ADGRV1: variants seen among roughly 807,000 people sequenced by gnomAD.
The protein encoded by ADGRV1 is adhesion G protein-coupled receptor V1, also known as G-protein coupled receptor 98.
Under a neutral mutation model 596.2 loss-of-function variants are expected in ADGRV1, and 359 were observed. The observed-to-expected ratio is 0.60, with a 90% CI of 0.55 to 0.66. The LOEUF (loss-of-function observed/expected upper bound fraction) is 0.66, where lower values mean the gene tolerates loss of function less well. ADGRV1 is among the 30% of genes least tolerant of loss of function. The pLI is 0.00. For missense variants in ADGRV1, 7,274 were observed against 7,575.6 expected, an observed-to-expected ratio of 0.96 and a Z score of 1.48; for synonymous variants, 2,681 against 2,679.2, an observed-to-expected ratio of 1.00 and a Z score of -0.02.
intron 70 of ADGRV1, 135 bp from the exon 71 acceptor site, chr5:90,802,604 A>T: frequency 1.4e-6 from 1 of 692,638 alleles, no homozygotes; most frequent in South Asian, 2.0e-5. Context: ...TTGTTTTGTG[A>T]TGGGGAAAAG....
intron 58 of ADGRV1, among the ~76,000 whole-genome samples, chr5:90,760,910 A>G (rs2150004324): frequency 6.6e-6 from 1 of 152,368 alleles, no homozygotes; most frequent in Non-Finnish European, 1.5e-5. Context: ...TTATTACATG[A>G]TAACTATGAC....
At chr5:90,957,582 G>GTA (rs1447212465) in intron 83 of ADGRV1, among the ~76,000 whole-genome samples, 1 of 145,676 alleles carries the variant, frequency 6.9e-6, no homozygotes, top group Non-Finnish European at 1.5e-5. Flanking sequence ...ATTACATATA[G>GTA]TATATATATA....
chr5:90,649,030 A>C (rs1768210762), intron 17 of ADGRV1, among the ~76,000 whole-genome samples: 1 of 152,162 alleles, frequency 6.6e-6, no homozygotes, highest in Non-Finnish European at 1.5e-5. Flanking sequence ...TTTTTTACGG[A>C]GTCTCACTCT....
chr5:90,748,801 G>A (rs548140995), intron 52 of ADGRV1, among the ~76,000 whole-genome samples: 1 of 142,960 alleles, frequency 7.0e-6, no homozygotes, highest in Non-Finnish European at 1.5e-5. Context: ...TGCCTAGTTT[G>A]TCTATCATCA....
At chr5:90,892,229 A>G (rs1005999867) in intron 83 of ADGRV1, among the ~76,000 whole-genome samples, 2 of 152,068 alleles carry the variant, frequency 1.3e-5, no homozygotes, top group African/African-American at 4.8e-5. Flanking sequence ...CATGTTTCAT[A>G]TAATAAACTT....
intron 85 of ADGRV1, among the ~76,000 whole-genome samples, chr5:91,022,308 T>G (rs911278759): frequency 1.3e-5 from 2 of 151,984 alleles, no homozygotes; most frequent in Non-Finnish European, 2.9e-5. Flanking sequence ...AACCTAGTAT[T>G]TGTGCTAAAT....
chr5:90,712,603 T>G (rs1749513029), intron 42 of ADGRV1, among the ~76,000 whole-genome samples, 175 bp downstream of exon 42: 1 of 152,120 alleles, frequency 6.6e-6, no homozygotes, highest in South Asian at 2.1e-4. Context: ...CTCTCACGTG[T>G]GTATGTTGGT....
chr5:90,767,695 T>G (rs1757293402), intron 59 of ADGRV1, among the ~76,000 whole-genome samples: 1 of 151,538 alleles, frequency 6.6e-6, no homozygotes, highest in Admixed American at 6.6e-5. Flanking sequence ...TTTTTCAGTC[T>G]AATGACTCTT....
intron 85 of ADGRV1, among the ~76,000 whole-genome samples, chr5:91,044,952 T>C (rs1384910346): frequency 6.6e-6 from 1 of 152,144 alleles, no homozygotes; most frequent in Non-Finnish European, 1.5e-5. Context: ...AGGAAGATTA[T>C]TGTGGGTGGT....
chr5:90,653,460 T>C lies in ADGRV1; in HGVS notation c.3886T>C (p.Leu1296=). The part of the protein sequence containing the change: ...EILSSEFPAG[L]PPMIDFLLVG... The stretch of plus-strand genomic sequence containing the variant: ...ACTGTCCAGTGAGTTCCCTGCTGGT[T>C]TGCCACCAATGATAGATTTTTTACT... Residue 1296 remains leucine, a synonymous_variant, in exon 20 of 90, where the codon TTG becomes CTG. Coordinates refer to ENST00000405460, the MANE Select transcript of ADGRV1 (RefSeq NM_032119.4). 6.2e-7 allele frequency: 1 copy of C among 1,613,944 alleles called. No individual in the cohort carries two copies. The highest frequency in any genetic ancestry group is 2.2e-5 in the East Asian group (1 of 44,870).
rs116907327 is a variant in ADGRV1, at chr5:90,623,407, T to C, written c.558+706T>C. 3.0e-4 allele frequency among the ~76,000 whole-genome samples: 46 copies of C among 152,174 alleles called. 1 individual carries two copies. In the East Asian group the frequency reaches 8.5e-3, roughly 28 times the overall value. On this transcript the variant is annotated intron_variant, in intron 5 of 89. Coordinates refer to ENST00000405460, the MANE Select transcript of ADGRV1 (RefSeq NM_032119.4). Reference sequence around the variant, plus strand: ...TTATTTAATATGTTGTCTTTCTCTATTTTATTTTATTTTATTTTTTTTGAG... The same window carrying C: ...TTATTTAATATGTTGTCTTTCTCTACTTTATTTTATTTTATTTTTTTTGAG...
chr5:90,580,487 C>T (rs6889466), intron 1 of ADGRV1, among the ~76,000 whole-genome samples: 13,580 of 150,992 alleles, frequency 0.09, 1,906 homozygotes, highest in African/African-American at 0.31. Flanking sequence ...GAAGGCTTTG[C>T]TCGTTTTATT....
In ADGRV1 at chr5:90,653,643, T is replaced by G; in HGVS notation, c.4069T>G (p.Phe1357Val). Reference sequence around the variant, plus strand: ...GAATAATACAATTGCCAACTTTACATTCTCAGCTTGGGTAATGCCCAATGC... The same window carrying G: ...GAATAATACAATTGCCAACTTTACAGTCTCAGCTTGGGTAATGCCCAATGC... ...SRNNTIANFTFSAWVMPNANT... is the reference protein window; with the variant it reads ...SRNNTIANFTVSAWVMPNANT... The change falls in exon 20 of 90, where the codon TTC becomes GTC. Residue 1357 changes from phenylalanine to valine, a missense_variant. By Grantham distance (50) the Phe-to-Val change is conservative. This residue lies in a region of ADGRV1 where 1,715 missense variants were observed against 1,708.8 expected (regional missense o/e 1.00). Coordinates refer to ENST00000405460, the MANE Select transcript of ADGRV1 (RefSeq NM_032119.4). 6.2e-7 allele frequency: 1 copy of G among 1,613,444 alleles called. No homozygotes were observed. Among genetic ancestry groups the G allele is most frequent in the Non-Finnish European group, 8.5e-7 (1 of 1,179,690 alleles).
intron 59 of ADGRV1, among the ~76,000 whole-genome samples, chr5:90,770,221 G>A (rs762481159): frequency 6.6e-6 from 1 of 152,308 alleles, no homozygotes; most frequent in African/African-American, 2.4e-5. Context: ...GCAAGAGAGC[G>A]TGTGTAGGGG....
chr5:90,643,815 T>C lies in ADGRV1; in HGVS notation c.2566T>C (p.Tyr856His). The C allele has an allele frequency of 6.2e-7, 1 of 1,607,204 alleles. No individual in the cohort carries two copies. The highest frequency in any genetic ancestry group is 8.5e-7 in the Non-Finnish European group (1 of 1,176,248). Reference protein sequence around the residue: ...LDGIPELDEHYWVVLSSHGER... With the variant: ...LDGIPELDEHHWVVLSSHGER... ...ACATTCACTTTAGTTGGATGAACAC[T>C]ACTGGGTGGTCCTCAGCAGCCACGG... is the stretch of plus-strand genomic sequence containing the variant. The change falls in exon 14 of 90, where the codon TAC becomes CAC. Residue 856 changes from tyrosine (Y) to histidine (H), a missense_variant. Physicochemically the swap from Tyr to His is moderately conservative, Grantham distance 83. This residue lies in a region of ADGRV1 where 1,715 missense variants were observed against 1,708.8 expected (regional missense o/e 1.00). Coordinates refer to ENST00000405460, the MANE Select transcript of ADGRV1 (RefSeq NM_032119.4).
chr5:90,565,098 G>A (rs1017274890), intron 1 of ADGRV1, among the ~76,000 whole-genome samples: 5 of 152,084 alleles, frequency 3.3e-5, no homozygotes, highest in African/African-American at 1.2e-4. Flanking sequence ...TTAGCTGGGC[G>A]TGTTGGCGGG....
intron 1 of ADGRV1, 146 bp from the exon 2 acceptor site, chr5:90,614,689 G>A (rs972902994): frequency 4.2e-6 from 3 of 710,732 alleles, no homozygotes; most frequent in Non-Finnish European, 7.6e-6. Flanking sequence ...ACATATTTGA[G>A]TTTGATGGCT....
chr5:90,974,636 T>C (rs1581682836), intron 84 of ADGRV1, among the ~76,000 whole-genome samples: 1 of 152,226 alleles, frequency 6.6e-6, no homozygotes, highest in South Asian at 2.1e-4. Context: ...CTGGGAAAAC[T>C]GGCTAGCCAT....
At chr5:90,665,485 CTA>C (rs1771176602) in intron 21 of ADGRV1, among the ~76,000 whole-genome samples, 1 of 151,970 alleles carries the variant, frequency 6.6e-6, no homozygotes. Context: ...TTTATTCCGT[CTA>C]TTTGATTCTT....
Sources: allele counts gnomAD v4.1 joint callset (sites outside exome capture counted in the v4.1 genomes callset), GRCh38; gene constraint gnomAD v4.1.1; regional missense constraint gnomAD v4.1.1; transcripts MANE v1.5; gene names NCBI Gene and HGNC (gene_info 2026-07-23, HGNC 2026-07-21).